The following RDX variants were observed in gnomAD, a reference collection of about 807,000 sequenced individuals.
RDX encodes deafness, autosomal recessive 24.
In RDX, 32 loss-of-function variants were observed where a neutral mutation model predicts 83.7. The observed-to-expected ratio is 0.38, with a 90% CI of 0.29 to 0.51. The LOEUF (loss-of-function observed/expected upper bound fraction) is 0.51, where lower values mean the gene tolerates loss of function less well. RDX is among the 20% of genes least tolerant of loss of function. The probability of loss-of-function intolerance (pLI) is 0.87; values close to 1 mark genes in which losing one functional copy is unlikely to be tolerated. For missense variants in RDX, 600 were observed against 689.9 expected, an observed-to-expected ratio of 0.87 and a Z score of 1.46; for synonymous variants, 229 against 222.7, an observed-to-expected ratio of 1.03 and a Z score of -0.25.
chr11:110,215,705 A>G (rs1401814127), intron 14 of RDX, among the ~76,000 whole-genome samples: 1 of 152,238 alleles, frequency 6.6e-6, no homozygotes, highest in Non-Finnish European at 1.5e-5. Context: ...TCCAAGAGCA[A>G]GTAAACATGT....
At chr11:110,196,012 TGAGAAGAG>T (rs1205854375) in intron 15 of RDX, 4 of 152,098 alleles carry the variant, frequency 2.6e-5, no homozygotes, top group Non-Finnish European at 5.9e-5. Context: ...AACAGTAAAC[TGAGAAGAG>T]GAGAGAACCA....
chr11:110,285,415 C>T (rs571359408), intron 1 of RDX, among the ~76,000 whole-genome samples: 17 of 150,728 alleles, frequency 1.1e-4, no homozygotes, highest in African/African-American at 3.9e-4. Flanking sequence ...ATTGTTTAAC[C>T]TCAATGAGAC....
intron 1 of RDX, among the ~76,000 whole-genome samples, chr11:110,281,672 T>A (rs1038692038): frequency 6.6e-6 from 1 of 151,498 alleles, no homozygotes; most frequent in South Asian, 2.1e-4. Flanking sequence ...TCTTATCATT[T>A]CCTAGCTTAT....
At chr11:110,259,205 T>A (rs985926012) in intron 5 of RDX, among the ~76,000 whole-genome samples, 12 of 152,236 alleles carry the variant, frequency 7.9e-5, no homozygotes, top group African/African-American at 2.9e-4. Context: ...CCCAAAGTGC[T>A]GGGATTACAG....
chr11:110,257,790 C>A lies in RDX; in HGVS notation c.675G>T (p.Leu225=), dbSNP rs753399254. 1.9e-6 allele frequency: 3 copies of A among 1,611,930 alleles called. No individual in the cohort carries two copies. The East Asian group carries it at 6.7e-5, about 36-fold the overall frequency. Reference sequence around the variant, plus strand: ...ACTTGTCGTCATGCTCATAAATATTCAGACCCAAAGCATCAACACCTAGCC... The same window carrying A: ...ACTTGTCGTCATGCTCATAAATATTAAGACCCAAAGCATCAACACCTAGCC... ...ELWLGVDALG[L]NIYEHDDKLT... The change falls in exon 7 of 14, where the codon CTG becomes CTT. Residue 225 remains leucine, a synonymous_variant. Coordinates refer to ENST00000645495, the MANE Select transcript of RDX (RefSeq NM_002906.4).
At chr11:110,270,021 C>T (rs901706667) in intron 3 of RDX, among the ~76,000 whole-genome samples, 5 of 151,628 alleles carry the variant, frequency 3.3e-5, no homozygotes, top group South Asian at 4.2e-4. Context: ...CAGCCTGGGG[C>T]GACAGGAGTG....
At chr11:110,213,204 CAGAG>C (rs992845598) in intron 14 of RDX, among the ~76,000 whole-genome samples, 4 of 151,090 alleles carry the variant, frequency 2.6e-5, no homozygotes, top group Admixed American at 6.6e-5. Flanking sequence ...AACAGACAAA[CAGAG>C]AGCCAAATCA....
At chr11:110,273,056 G>C (rs1195187565) in intron 2 of RDX, 3 of 456,170 alleles carry the variant, frequency 6.6e-6, no homozygotes, top group African/African-American at 4.0e-5. Context: ...GCAAGACTAT[G>C]AAAAATTTAA....
At position 110,254,038 on chromosome 11, in the gene RDX, T is replaced by A. The variant is rs1483135162; in HGVS notation, c.867A>T (p.Glu289Asp). Residue 289 changes from glutamate (E) to aspartate (D), a missense_variant, in exon 9 of 14, where the codon GAA becomes GAT. Transcript: ENST00000645495. Reference protein sequence around the residue: ...RILALCMGNHELYMRRRKPDT... With the variant: ...RILALCMGNHDLYMRRRKPDT... The stretch of plus-strand genomic sequence containing the variant: ...CAGGCTTCCTTCTTCGCATGTATAG[T>A]TCATGGTTTCCCATACATAAGGCCA... The A allele has an allele frequency of 6.2e-7, 1 of 1,613,546 alleles. No homozygotes were observed. The highest frequency in any genetic ancestry group is 1.3e-5 in the African/African-American group (1 of 74,904).
At position 110,245,782 on chromosome 11, in the gene RDX, A is replaced by G. The variant is rs141042408; in HGVS notation, c.1090+1921T>C. On this transcript the variant is annotated intron_variant, in intron 10 of 13. Coordinates refer to ENST00000645495, the MANE Select transcript of RDX (RefSeq NM_002906.4). ...AGAATAGGAACTCTTTTTGTCCAGT[A>G]CTATAATCTCACTACTAGAAAGGTG... Among the ~76,000 whole-genome samples the G allele has an allele frequency of 1.4e-3, 207 of 152,272 alleles. 3 individuals carry two copies. Among genetic ancestry groups the G allele is most frequent in the African/African-American group, 4.8e-3 (201 of 41,550 alleles).
At chr11:110,204,492 TTTTC>T (rs1177029162) in intron 14 of RDX, among the ~76,000 whole-genome samples, 36 of 150,682 alleles carry the variant, frequency 2.4e-4, no homozygotes, top group South Asian at 1.0e-3. Context: ...CTGTAATTAC[TTTTC>T]TTTCTTTTTT....
At chr11:110,225,002 A>C (rs1026445541), downstream of RDX, among the ~76,000 whole-genome samples, 2 of 152,236 alleles carry the variant, frequency 1.3e-5, no homozygotes, top group African/African-American at 2.4e-5. Context: ...ATCTAAACAT[A>C]GGATTCAAGG....
At chr11:110,265,886 TTACTC>T (rs1232016577) in intron 3 of RDX, among the ~76,000 whole-genome samples, 9 of 152,308 alleles carry the variant, frequency 5.9e-5, no homozygotes, top group Admixed American at 5.2e-4. Context: ...ATTAGAAAAT[TTACTC>T]TATCATAATT....
chr11:110,271,930 C>T (rs1301411096), intron 3 of RDX, among the ~76,000 whole-genome samples: 1 of 152,148 alleles, frequency 6.6e-6, no homozygotes, highest in Admixed American at 6.5e-5. Context: ...TGGAAAGTTC[C>T]ACACCTAACC....
At chr11:110,189,130 C>T (rs1863049041) in intron 15 of RDX, among the ~76,000 whole-genome samples, 2 of 150,584 alleles carry the variant, frequency 1.3e-5, no homozygotes. Context: ...TAATGACACC[C>T]ATAGGTTCAA....
chr11:110,247,116 T>C (rs1055413893), intron 10 of RDX, among the ~76,000 whole-genome samples: 1 of 152,228 alleles, frequency 6.6e-6, no homozygotes, highest in African/African-American at 2.4e-5. Context: ...AAATCTAGTA[T>C]ATCCTTTCTA....
chr11:110,205,320 G>A (rs1863561032), intron 14 of RDX, among the ~76,000 whole-genome samples: 1 of 150,096 alleles, frequency 6.7e-6, no homozygotes. Flanking sequence ...ATGACATAAA[G>A]TGAGAGAATA....
At chr11:110,193,543 AAT>A (rs1338956481) in intron 15 of RDX, among the ~76,000 whole-genome samples, 1 of 41,946 alleles carries the variant, frequency 2.4e-5, no homozygotes. Context: ...TACAAAACAA[AAT>A]AGAATAAACT....
chr11:110,188,335 T>TAATAATAATAAC (rs869101066), intron 15 of RDX, among the ~76,000 whole-genome samples: 20 of 149,000 alleles, frequency 1.3e-4, no homozygotes, highest in Non-Finnish European at 2.2e-4. Context: ...ATAATAATAA[T>TAATAATAATAAC]AACAATAATA....
Sources: gnomAD v4.1 joint callset for allele counts (sites outside exome capture counted in the v4.1 genomes callset) on GRCh38, gnomAD v4.1.1 for gene constraint, MANE v1.5 for transcripts, NCBI Gene and HGNC (gene_info 2026-07-23, HGNC 2026-07-21) for gene names.